The following MBNL2 variants were observed in gnomAD, a reference collection of about 807,000 sequenced individuals.
The protein encoded by MBNL2 is muscleblind like splicing regulator 2.
MBNL2 carries 17 observed loss-of-function variants against 41.9 expected under a neutral mutation model. That is an observed-to-expected ratio of 0.41 (90% CI 0.28 to 0.61). The LOEUF (loss-of-function observed/expected upper bound fraction) is 0.61. Among genes scored for constraint, MBNL2 ranks in the 20% least tolerant of loss-of-function variants. The pLI is 0.35. For missense variants in MBNL2, 336 were observed against 505.6 expected (o/e 0.66, Z 3.22); for synonymous variants, 195 against 182.9 (o/e 1.07, Z -0.53).
At chr13:97,194,229 A>G in the MBNL2 span, among the ~76,000 whole-genome samples, 10 of 152,182 alleles carry the variant, frequency 6.6e-5, no homozygotes, top group Non-Finnish European at 1.5e-5. Context: ...TGTCTGCCCC[A>G]TTGCATTCCT....
At chr13:97,368,982 G>T (rs568709884) in intron 8 of MBNL2, among the ~76,000 whole-genome samples, 1 of 149,718 alleles carries the variant, frequency 6.7e-6, no homozygotes, top group East Asian at 1.9e-4. Context: ...AATAGTTGCT[G>T]CTGGATTGCA....
At chr13:97,209,780 A>G in the MBNL2 span, among the ~76,000 whole-genome samples, 1 of 152,144 alleles carries the variant, frequency 6.6e-6, no homozygotes, top group East Asian at 1.9e-4. Flanking sequence ...AAAAAAAGAC[A>G]CTGACTTCTT....
At chr13:97,171,746 TG>T in the MBNL2 span, among the ~76,000 whole-genome samples, 3 of 152,176 alleles carry the variant, frequency 2.0e-5, no homozygotes, top group Admixed American at 2.0e-4. Flanking sequence ...ATGGTTTGGC[TG>T]TGTCCCCACC....
At chr13:97,233,433 C>G (rs2042748006) in intron 1 of MBNL2, among the ~76,000 whole-genome samples, 1 of 148,796 alleles carries the variant, frequency 6.7e-6, no homozygotes, top group South Asian at 2.1e-4. Context: ...CCCATGGTCT[C>G]TTTTCTAATG....
intron 5 of MBNL2, among the ~76,000 whole-genome samples, chr13:97,349,808 C>T (rs2062269050): frequency 6.6e-6 from 1 of 152,228 alleles, no homozygotes; most frequent in African/African-American, 2.4e-5. Context: ...CCACACCATT[C>T]TCTAAGGTCA....
At chr13:97,362,937 C>T (rs528048987) in intron 7 of MBNL2, 4 of 152,320 alleles carry the variant, frequency 2.6e-5, no homozygotes, top group African/African-American at 9.6e-5. Context: ...GGGTGTGAGG[C>T]ATAACTTTCA....
chr13:97,225,737 A>C (rs1281338926), intron 1 of MBNL2, among the ~76,000 whole-genome samples: 1 of 152,222 alleles, frequency 6.6e-6, no homozygotes, highest in African/African-American at 2.4e-5. Flanking sequence ...AGGAGAGGAC[A>C]GTTCGCCCTG....
At chr13:97,187,871 C>T in the MBNL2 span, among the ~76,000 whole-genome samples, 1,862 of 149,816 alleles carry the variant, frequency 0.012, 36 homozygotes, top group African/African-American at 0.042. Context: ...ATCGCGCCAC[C>T]GCACTCCAGC....
At chr13:97,192,421 A>G in the MBNL2 span, among the ~76,000 whole-genome samples, 1 of 152,188 alleles carries the variant, frequency 6.6e-6, no homozygotes, top group Admixed American at 6.5e-5. Context: ...GGCAGAAGTG[A>G]GAGTGAAGAA....
intron 1 of MBNL2, among the ~76,000 whole-genome samples, chr13:97,272,051 A>C (rs2051144517): frequency 6.6e-6 from 1 of 152,170 alleles, no homozygotes; most frequent in Non-Finnish European, 1.5e-5. Flanking sequence ...AACAGTATAA[A>C]AGCATTCCTA....
chr13:97,207,881 G>C, the MBNL2 span, among the ~76,000 whole-genome samples: 1 of 152,228 alleles, frequency 6.6e-6, no homozygotes, highest in African/African-American at 2.4e-5. Flanking sequence ...CAGGCAGTGG[G>C]AGAAGTTGGC....
At chr13:97,387,160 A>T (rs970544022) in intron 8 of MBNL2, among the ~76,000 whole-genome samples, 3 of 151,814 alleles carry the variant, frequency 2.0e-5, no homozygotes, top group African/African-American at 7.3e-5. Flanking sequence ...TATATAAAAC[A>T]CTACTTACTT....
chr13:97,260,452 T>C (rs1025532791), intron 1 of MBNL2, among the ~76,000 whole-genome samples: 1 of 152,150 alleles, frequency 6.6e-6, no homozygotes, highest in Non-Finnish European at 1.5e-5. Context: ...TTTATTGAGA[T>C]GTGGCTGCAG....
At chr13:97,175,705 A>G in the MBNL2 span, among the ~76,000 whole-genome samples, 2 of 152,194 alleles carry the variant, frequency 1.3e-5, no homozygotes, top group African/African-American at 4.8e-5. Context: ...CCACCCTGCA[A>G]AAGGGTGATG....
At chr13:97,265,584 TTACTTA>T (rs1248239142) in intron 1 of MBNL2, among the ~76,000 whole-genome samples, 1 of 152,142 alleles carries the variant, frequency 6.6e-6, no homozygotes, top group Non-Finnish European at 1.5e-5. Context: ...CTACTTTCTT[TTACTTA>T]TACTTCGTTG....
At chr13:97,258,720 T>C (rs538927597) in intron 1 of MBNL2, among the ~76,000 whole-genome samples, 2 of 152,302 alleles carry the variant, frequency 1.3e-5, no homozygotes, top group Admixed American at 6.5e-5. Context: ...AATTGGTTTC[T>C]GCAAAAATAG....
intron 2 of MBNL2, among the ~76,000 whole-genome samples, chr13:97,315,417 A>G (rs2058955251): frequency 6.6e-6 from 1 of 152,210 alleles, no homozygotes. Flanking sequence ...ATGGCAGGAA[A>G]GAGCTTCTGC....
chr13:97,292,074 G>T (rs909243860), intron 2 of MBNL2, among the ~76,000 whole-genome samples: 6 of 147,826 alleles, frequency 4.1e-5, no homozygotes, highest in Admixed American at 2.7e-4. Flanking sequence ...GATGGCGGGC[G>T]CCTGTAGTCC....
At chr13:97,374,972 T>C (rs2064824881) in intron 8 of MBNL2, among the ~76,000 whole-genome samples, 1 of 152,162 alleles carries the variant, frequency 6.6e-6, no homozygotes, top group African/African-American at 2.4e-5. Flanking sequence ...AGAGTTGCTG[T>C]GAGCGGAATG....
Sources: allele counts gnomAD v4.1 joint callset (sites outside exome capture counted in the v4.1 genomes callset), GRCh38; gene constraint gnomAD v4.1.1; transcripts MANE v1.5; gene names NCBI Gene and HGNC (gene_info 2026-07-23, HGNC 2026-07-21).